SNX29: variants seen among roughly 807,000 people sequenced by gnomAD.
SNX29 encodes sorting nexin 29.
In SNX29, 78 loss-of-function variants were observed where a neutral mutation model predicts 102.1. The ratio of observed to expected loss-of-function variants is 0.76; its 90% CI spans 0.64 to 0.92. The LOEUF is 0.92. Ranked by LOEUF, SNX29 falls within the 40% of genes least tolerant of loss-of-function variation. The pLI is 0.00. For missense variants in SNX29, 1,280 were observed against 1,061.7 expected, an observed-to-expected ratio of 1.21 and a Z score of -2.86; for synonymous variants, 580 against 414.5, an observed-to-expected ratio of 1.40 and a Z score of -4.85.
At chr16:12,039,060 T>C (rs1309131106) in intron 4 of SNX29, among the ~76,000 whole-genome samples, 1 of 152,228 alleles carries the variant, frequency 6.6e-6, no homozygotes, top group African/African-American at 2.4e-5. Context: ...GTTTTTGTTA[T>C]TCCTGGGAAG....
Position 12,544,798 on chromosome 16 carries a change from G to C in SNX29, c.2318+19957G>C, listed in dbSNP as rs1415728680. ...GGTAAACTGCAGAGCCAGGATTCTAGAGACCAAACTCTTGACCACTGCTTC... is the reference window on the plus strand; with the variant it reads ...GGTAAACTGCAGAGCCAGGATTCTACAGACCAAACTCTTGACCACTGCTTC... On this transcript the variant is annotated intron_variant, in intron 20 of 20. Transcript: ENST00000566228. Among the ~76,000 whole-genome samples, 6 of 152,226 alleles carry C rather than the reference G, an allele frequency of 3.9e-5. No homozygotes were observed. The South Asian group carries it at 1.2e-3, about 32-fold the overall frequency.
intron 14 of SNX29, among the ~76,000 whole-genome samples, chr16:12,264,655 G>T (rs1208912233): frequency 6.6e-6 from 1 of 152,012 alleles, no homozygotes; most frequent in East Asian, 1.9e-4. Context: ...GATAGCAAGT[G>T]CCTGTAGTTC....
intron 19 of SNX29, among the ~76,000 whole-genome samples, chr16:12,503,101 TC>T: frequency 6.6e-6 from 1 of 151,548 alleles, no homozygotes; most frequent in Non-Finnish European, 1.5e-5. Flanking sequence ...GACCCTCCCA[TC>T]CACCACCCCC....
Position 12,572,256 on chromosome 16 carries a change from A to G in SNX29, c.*3627A>G, listed in dbSNP as rs1415755428. 4.7e-6 allele frequency: 5 copies of G among 1,056,382 alleles called. No individual in the cohort carries two copies. In the African/African-American group the frequency reaches 6.6e-5, roughly 14 times the overall value. The allele number at this position is 1,056,382 out of a possible 1,614,324, so 65.4% of individuals were successfully genotyped here. On this transcript the variant is annotated 3_prime_UTR_variant, in exon 21 of 21. Transcript: ENST00000566228. Reference sequence around the variant, plus strand: ...CGTTTACACCAGGTGGATTGATACCATGGCTGTAGCTGATGCAACTAACAA... The same window carrying G: ...CGTTTACACCAGGTGGATTGATACCGTGGCTGTAGCTGATGCAACTAACAA...
chr16:12,278,662 A>G (rs980833561), intron 15 of SNX29, among the ~76,000 whole-genome samples: 1 of 147,030 alleles, frequency 6.8e-6, no homozygotes, highest in African/African-American at 2.5e-5. Flanking sequence ...TGGTTCAGGT[A>G]TGCATTACTG....
intron 15 of SNX29, among the ~76,000 whole-genome samples, chr16:12,341,083 G>T (rs925224505): frequency 1.3e-5 from 2 of 152,172 alleles, no homozygotes; most frequent in Admixed American, 6.5e-5. Flanking sequence ...AGAGTGTCTG[G>T]CCTGTGGAAC....
chr16:12,375,351 A>C (rs2082834062), intron 16 of SNX29: 1 of 152,252 alleles, frequency 6.6e-6, no homozygotes, highest in South Asian at 2.1e-4. Flanking sequence ...CTGTGTAACA[A>C]ATTGTCCCAA....
intron 13 of SNX29, among the ~76,000 whole-genome samples, chr16:12,131,950 C>G (rs564797657): frequency 6.6e-6 from 1 of 152,188 alleles, no homozygotes; most frequent in Non-Finnish European, 1.5e-5. Flanking sequence ...TAAAATGTGC[C>G]TAGTTCGGCA....
chr16:12,371,605 A>G (rs78756854), intron 16 of SNX29, among the ~76,000 whole-genome samples: 13,216 of 152,170 alleles, frequency 0.087, 1,190 homozygotes, highest in African/African-American at 0.23. Flanking sequence ...GCACCCAGCC[A>G]GATTTTTATT....
chr16:12,455,917 T>C (rs917877283), intron 18 of SNX29, among the ~76,000 whole-genome samples: 12 of 152,162 alleles, frequency 7.9e-5, no homozygotes, highest in Admixed American at 2.6e-4. Context: ...CTAGCACCCG[T>C]TGGGCATCTC....
intron 9 of SNX29, among the ~76,000 whole-genome samples, chr16:12,063,316 C>T (rs1051022970): frequency 6.6e-6 from 1 of 150,638 alleles, no homozygotes; most frequent in African/African-American, 2.4e-5. Flanking sequence ...TATGTGGCCT[C>T]CCTCCACTTC....
At chr16:12,132,785 G>C (rs78176964) in intron 13 of SNX29, among the ~76,000 whole-genome samples, 30,166 of 152,222 alleles carry the variant, frequency 0.2, 3,454 homozygotes, top group Middle Eastern at 0.29. Context: ...GCAGTCTGTA[G>C]GCAGAAGGAA....
intron 11 of SNX29, among the ~76,000 whole-genome samples, chr16:12,109,471 G>A (rs538757208): frequency 7.9e-5 from 12 of 152,294 alleles, no homozygotes; most frequent in African/African-American, 1.7e-4. Flanking sequence ...AAGGCCCCAC[G>A]TCTCAGTACT....
intron 13 of SNX29, among the ~76,000 whole-genome samples, chr16:12,139,214 A>C (rs1458992136): frequency 6.6e-6 from 1 of 150,644 alleles, no homozygotes; most frequent in East Asian, 1.9e-4. Flanking sequence ...AAAAAAAAAA[A>C]AAAAAAAAGG....
intron 14 of SNX29, among the ~76,000 whole-genome samples, chr16:12,236,992 G>A (rs2077954558): frequency 1.3e-5 from 2 of 152,198 alleles, no homozygotes; most frequent in Admixed American, 6.5e-5. Flanking sequence ...GGAACTTGAA[G>A]GTTGGTGCAG....
chr16:12,400,190 C>G (rs2151498857), intron 17 of SNX29, among the ~76,000 whole-genome samples: 1 of 152,282 alleles, frequency 6.6e-6, no homozygotes, highest in African/African-American at 2.4e-5. Context: ...AGACTGAAAT[C>G]CTTTGTGGAG....
chr16:12,143,795 C>G (rs930972604), intron 13 of SNX29, among the ~76,000 whole-genome samples: 3 of 152,186 alleles, frequency 2.0e-5, no homozygotes, highest in African/African-American at 7.2e-5. Flanking sequence ...AAAGAATTCT[C>G]TGGGTTGAAG....
At chr16:12,563,180 T>C (rs2078829107) in intron 20 of SNX29, among the ~76,000 whole-genome samples, 1 of 137,982 alleles carries the variant, frequency 7.2e-6, no homozygotes, top group African/African-American at 2.8e-5. Context: ...CTCAGGGATG[T>C]CACTTCCCAC....
At chr16:12,241,455 CCTGGTCTATCTTTTTTTTT>C (rs2078102210) in intron 14 of SNX29, among the ~76,000 whole-genome samples, 2 of 151,906 alleles carry the variant, frequency 1.3e-5, no homozygotes, top group Admixed American at 6.6e-5. Flanking sequence ...TATTTCTCTC[CCTGGTCTATCTTTTTTTTT>C]TTGGAGATGG....
Sources: gnomAD v4.1 joint callset for allele counts (sites outside exome capture counted in the v4.1 genomes callset) on GRCh38, gnomAD v4.1.1 for gene constraint, MANE v1.5 for transcripts, NCBI Gene and HGNC (gene_info 2026-07-23, HGNC 2026-07-21) for gene names.